Variants in TMEM132D observed in about 807,000 individuals in gnomAD.
TMEM132D encodes the protein mature OL transmembrane protein.
A neutral mutation model predicts 62.3 loss-of-function variants in TMEM132D; 21 were observed. The ratio of observed to expected loss-of-function variants is 0.34; its 90% CI spans 0.24 to 0.49. The LOEUF (loss-of-function observed/expected upper bound fraction) is 0.49. TMEM132D is among the 20% of genes least tolerant of loss of function. TMEM132D has a pLI of 0.99. For missense variants in TMEM132D, 1,346 were observed against 1,402.8 expected, an observed-to-expected ratio of 0.96 and a Z score of 0.65; for synonymous variants, 621 against 575.6, an observed-to-expected ratio of 1.08 and a Z score of -1.13.
intron 4 of TMEM132D, among the ~76,000 whole-genome samples, chr12:129,284,106 G>A (rs1413771802): frequency 6.6e-6 from 1 of 151,948 alleles, no homozygotes; most frequent in East Asian, 1.9e-4. Flanking sequence ...AGCTGGATGT[G>A]CATATGAGGC....
Position 129,490,596 on chromosome 12 carries a change from A to ATTTTTTTTTTTTT in TMEM132D, c.1115+40450_1115+40462dup, listed in dbSNP as rs35535325. Among the ~76,000 whole-genome samples, 49 of 71,114 alleles carry ATTTTTTTTTTTTT rather than the reference A, an allele frequency of 6.9e-4. 1 individual carries two copies. Among genetic ancestry groups the ATTTTTTTTTTTTT allele is most frequent in the African/African-American group, 1.3e-3 (16 of 12,332 alleles). 46.7% of individuals were successfully genotyped at this position (71,114 alleles called of 152,430 possible). The stretch of plus-strand genomic sequence containing the variant: ...GGCGCCCGCCCACCACGCCCGGCTA[A>ATTTTTTTTTTTTT]TTTTTTTTTTTTTTTTTTTTTTTTT... On this transcript the variant is annotated intron_variant, in intron 3 of 8. Coordinates refer to ENST00000422113, the MANE Select transcript of TMEM132D (RefSeq NM_133448.3).
chr12:129,855,185 G>A (rs1017516522), intron 1 of TMEM132D, among the ~76,000 whole-genome samples: 4 of 91,380 alleles, frequency 4.4e-5, no homozygotes, highest in African/African-American at 1.3e-4. Context: ...GGGGGAACGG[G>A]ATGGCTGCCC....
intron 3 of TMEM132D, among the ~76,000 whole-genome samples, chr12:129,460,424 G>A (rs1033707419): frequency 6.6e-6 from 1 of 152,180 alleles, no homozygotes; most frequent in African/African-American, 2.4e-5. Flanking sequence ...ATAGGAACAT[G>A]AACTCAGGCT....
intron 4 of TMEM132D, among the ~76,000 whole-genome samples, chr12:129,273,195 C>A (rs1248018370): frequency 6.6e-6 from 1 of 151,218 alleles, no homozygotes; most frequent in East Asian, 1.9e-4. Context: ...GATTCTGTTT[C>A]CAAACAAACA....
At chr12:129,289,547 T>TA (rs59709658) in intron 4 of TMEM132D, among the ~76,000 whole-genome samples, 23,484 of 92,454 alleles carry the variant, frequency 0.25, 2,328 homozygotes, top group African/African-American at 0.34. Context: ...TCCATCTCAA[T>TA]AAAAAAAAAA....
chr12:129,516,264 A>G (rs747112199), intron 3 of TMEM132D, among the ~76,000 whole-genome samples: 4 of 152,242 alleles, frequency 2.6e-5, no homozygotes, highest in South Asian at 2.1e-4. Flanking sequence ...CCAAAAGTCT[A>G]TAAGTGCAAC....
chr12:129,597,842 T>C (rs1020619338), intron 2 of TMEM132D, among the ~76,000 whole-genome samples: 4 of 152,124 alleles, frequency 2.6e-5, no homozygotes, highest in African/African-American at 9.7e-5. Flanking sequence ...AATCACAGAA[T>C]TTCCTACCGA....
chr12:129,221,159 A>G (rs1016314179), intron 4 of TMEM132D, among the ~76,000 whole-genome samples: 7 of 152,212 alleles, frequency 4.6e-5, no homozygotes, highest in African/African-American at 1.7e-4. Flanking sequence ...GAAGCAATAC[A>G]GCTTTCATGT....
chr12:129,423,919 C>T (rs1049880321), intron 3 of TMEM132D, among the ~76,000 whole-genome samples: 2 of 152,070 alleles, frequency 1.3e-5, no homozygotes, highest in Admixed American at 6.5e-5. Flanking sequence ...TCCTTCAGTT[C>T]GTAACAGCCT....
chr12:129,648,489 C>T (rs1048713566), intron 2 of TMEM132D, among the ~76,000 whole-genome samples: 1 of 152,182 alleles, frequency 6.6e-6, no homozygotes, highest in Admixed American at 6.5e-5. Flanking sequence ...TATTGCAATT[C>T]CCTTGTCTTC....
chr12:129,218,480 A>G (rs1372130650), intron 4 of TMEM132D, among the ~76,000 whole-genome samples: 3 of 149,462 alleles, frequency 2.0e-5, no homozygotes, highest in African/African-American at 7.3e-5. Context: ...CAGCTGAAAC[A>G]CCATGGTAAG....
chr12:129,869,369 C>G (rs1451538111), intron 1 of TMEM132D, among the ~76,000 whole-genome samples: 2 of 152,142 alleles, frequency 1.3e-5, no homozygotes, highest in African/African-American at 4.8e-5. Context: ...ATACCAAAAT[C>G]CTCGGATGCT....
intron 1 of TMEM132D, among the ~76,000 whole-genome samples, chr12:129,889,366 G>C (rs1874848578): frequency 6.6e-6 from 1 of 152,136 alleles, no homozygotes; most frequent in African/African-American, 2.4e-5. Context: ...GCCCACATCT[G>C]GATGTTAAAT....
chr12:129,301,303 A>G (rs1881707544), intron 4 of TMEM132D, among the ~76,000 whole-genome samples: 1 of 151,998 alleles, frequency 6.6e-6, no homozygotes, highest in South Asian at 2.1e-4. Flanking sequence ...AAATGTCTGA[A>G]TCCCCCTTCA....
intron 4 of TMEM132D, among the ~76,000 whole-genome samples, chr12:129,222,456 T>C (rs1208171733): frequency 6.6e-6 from 1 of 152,210 alleles, no homozygotes; most frequent in Non-Finnish European, 1.5e-5. Flanking sequence ...TTCCCCCATA[T>C]ATCTAAATAA....
chr12:129,118,427 G>A (rs943793934), intron 5 of TMEM132D, among the ~76,000 whole-genome samples: 10 of 152,174 alleles, frequency 6.6e-5, no homozygotes, highest in Non-Finnish European at 8.8e-5. Flanking sequence ...TCCCTCGTCA[G>A]CCCCAGCACT....
intron 1 of TMEM132D, among the ~76,000 whole-genome samples, chr12:129,783,551 T>C (rs535022550): frequency 6.6e-6 from 1 of 152,270 alleles, no homozygotes; most frequent in South Asian, 2.1e-4. Context: ...CTTGTTTTCA[T>C]TGTAGGGCCC....
chr12:129,637,822 G>A (rs1033223049), intron 2 of TMEM132D, among the ~76,000 whole-genome samples: 3 of 152,050 alleles, frequency 2.0e-5, no homozygotes, highest in African/African-American at 4.8e-5. Context: ...AGGAAGGCAG[G>A]GGGCGGAGGT....
At chr12:129,622,059 G>A (rs1879086313) in intron 2 of TMEM132D, among the ~76,000 whole-genome samples, 1 of 152,144 alleles carries the variant, frequency 6.6e-6, no homozygotes, top group Admixed American at 6.5e-5. Context: ...ACTTCCTTTC[G>A]CAAAAAGAGC....
Sources: allele counts gnomAD v4.1 joint callset (sites outside exome capture counted in the v4.1 genomes callset), GRCh38; gene constraint gnomAD v4.1.1; transcripts MANE v1.5; gene names NCBI Gene and HGNC (gene_info 2026-07-23, HGNC 2026-07-21).